The following ERC2 variants were observed in gnomAD, a reference collection of about 807,000 sequenced individuals.
ERC2 encodes ERC protein 2.
In ERC2, 42 loss-of-function variants were observed where a neutral mutation model predicts 114.8. That is an observed-to-expected ratio of 0.37 (90% CI 0.29 to 0.47). The LOEUF (loss-of-function observed/expected upper bound fraction) is 0.47, where lower values mean the gene tolerates loss of function less well. Ranked by LOEUF, ERC2 falls within the 20% of genes least tolerant of loss-of-function variation. ERC2 has a pLI of 0.99. For synonymous variants in ERC2, 454 were observed against 425.5 expected, an observed-to-expected ratio of 1.07 and a Z score of -0.82; for missense variants, 939 against 1,150.7, an observed-to-expected ratio of 0.82 and a Z score of 2.66.
At chr3:55,608,309 A>G (rs2058733070) in intron 17 of ERC2, among the ~76,000 whole-genome samples, 1 of 152,210 alleles carries the variant, frequency 6.6e-6, no homozygotes, top group Non-Finnish European at 1.5e-5. Context: ...ACCTATGACA[A>G]CACAAATTTG....
intron 15 of ERC2, among the ~76,000 whole-genome samples, chr3:55,704,689 C>G (rs2063391754): frequency 6.6e-6 from 1 of 152,192 alleles, no homozygotes; most frequent in Non-Finnish European, 1.5e-5. Flanking sequence ...AGTTGCAGCA[C>G]TCAGGTCACA....
chr3:56,360,279 C>G (rs536399885), intron 2 of ERC2, among the ~76,000 whole-genome samples: 1 of 152,022 alleles, frequency 6.6e-6, no homozygotes, highest in African/African-American at 2.4e-5. Context: ...TGTGATCCGC[C>G]TGCCTCAGCC....
At chr3:55,794,785 C>G (rs1344660786) in intron 14 of ERC2, among the ~76,000 whole-genome samples, 1 of 152,092 alleles carries the variant, frequency 6.6e-6, no homozygotes, top group Non-Finnish European at 1.5e-5. Flanking sequence ...AAAATTAACA[C>G]CATAATTTTG....
chr3:56,206,078 G>C (rs1423314608), intron 3 of ERC2, among the ~76,000 whole-genome samples: 1 of 152,082 alleles, frequency 6.6e-6, no homozygotes, highest in African/African-American at 2.4e-5. Context: ...CTTAGGCATG[G>C]TTAAGAATTT....
chr3:56,004,894 T>A (rs2072355973), intron 10 of ERC2, among the ~76,000 whole-genome samples: 1 of 152,064 alleles, frequency 6.6e-6, no homozygotes, highest in African/African-American at 2.4e-5. Flanking sequence ...TATTTTTCCA[T>A]GAGTAAATGA....
At chr3:56,378,571 TAA>T (rs11316031) in intron 2 of ERC2, among the ~76,000 whole-genome samples, 2,368 of 134,004 alleles carry the variant, frequency 0.018, 38 homozygotes, top group African/African-American at 0.05. Flanking sequence ...TAAAGTATAA[TAA>T]AAAAAAAAAA....
At chr3:56,026,866 T>C (rs1439896749) in intron 7 of ERC2, among the ~76,000 whole-genome samples, 2 of 152,190 alleles carry the variant, frequency 1.3e-5, no homozygotes, top group Non-Finnish European at 2.9e-5. Context: ...TTGTACCACA[T>C]GTGTAGATTT....
chr3:55,633,959 C>T (rs747956111), intron 17 of ERC2, among the ~76,000 whole-genome samples: 13 of 152,166 alleles, frequency 8.5e-5, no homozygotes, highest in African/African-American at 2.9e-4. Context: ...CCCACATGGC[C>T]TCTATAGAGA....
chr3:56,202,501 CT>C (rs11457828), intron 3 of ERC2, among the ~76,000 whole-genome samples: 105 of 140,978 alleles, frequency 7.4e-4, no homozygotes, highest in Admixed American at 1.1e-3. Flanking sequence ...TAAACTCAAG[CT>C]TTTTTTTTTT....
At chr3:56,122,220 G>A (rs895513508) in intron 6 of ERC2, among the ~76,000 whole-genome samples, 14 of 152,140 alleles carry the variant, frequency 9.2e-5, no homozygotes, top group Admixed American at 2.6e-4. Context: ...GACCTCTCAG[G>A]CACAACAAGT....
chr3:56,336,424 A>G (rs1454034010), intron 2 of ERC2, among the ~76,000 whole-genome samples: 1 of 152,162 alleles, frequency 6.6e-6, no homozygotes, highest in Non-Finnish European at 1.5e-5. Flanking sequence ...TTTTTAAACA[A>G]TGCCTATAGG....
chr3:55,771,342 A>C (rs939601652), intron 14 of ERC2, among the ~76,000 whole-genome samples: 1 of 152,230 alleles, frequency 6.6e-6, no homozygotes. Context: ...GATAAAATGG[A>C]GAATGACATT....
intron 14 of ERC2, among the ~76,000 whole-genome samples, chr3:55,770,699 A>G (rs914458177): frequency 1.3e-5 from 2 of 152,122 alleles, no homozygotes; most frequent in African/African-American, 4.8e-5. Flanking sequence ...ACACATGTGC[A>G]GGTTTGTTAC....
At chr3:55,547,313 G>C (rs1179198850) in intron 17 of ERC2, among the ~76,000 whole-genome samples, 1 of 152,268 alleles carries the variant, frequency 6.6e-6, no homozygotes, top group Admixed American at 6.5e-5. Context: ...CAGCCTCTGG[G>C]AGGCAGGGTA....
intron 7 of ERC2, among the ~76,000 whole-genome samples, chr3:56,045,466 C>T (rs540888235): frequency 1.3e-5 from 2 of 152,164 alleles, no homozygotes; most frequent in Non-Finnish European, 2.9e-5. Flanking sequence ...TTTGAATAGC[C>T]CTGATAAGCA....
intron 7 of ERC2, among the ~76,000 whole-genome samples, chr3:56,025,033 A>T (rs1438279270): frequency 6.6e-6 from 1 of 152,206 alleles, no homozygotes; most frequent in Non-Finnish European, 1.5e-5. Context: ...GGAACTGCAC[A>T]CTGATCAAGT....
At chr3:56,301,426 C>T (rs2055868049) in intron 2 of ERC2, among the ~76,000 whole-genome samples, 1 of 151,970 alleles carries the variant, frequency 6.6e-6, no homozygotes, top group African/African-American at 2.4e-5. Flanking sequence ...CTTGTAGATC[C>T]TTGATCATCC....
intron 9 of ERC2, among the ~76,000 whole-genome samples, chr3:56,007,664 T>G (rs565851260): frequency 7.2e-5 from 11 of 152,246 alleles, no homozygotes; most frequent in Middle Eastern, 6.8e-3. Context: ...TTACATTTAT[T>G]GCTGTCAGAC....
At chr3:56,326,165 G>C in intron 2 of ERC2, among the ~76,000 whole-genome samples, 1 of 152,216 alleles carries the variant, frequency 6.6e-6, no homozygotes, top group East Asian at 1.9e-4. Flanking sequence ...GCCAGGCAAT[G>C]GAGGAGGCAA....
Sources: gnomAD v4.1 joint callset for allele counts (sites outside exome capture counted in the v4.1 genomes callset) on GRCh38, gnomAD v4.1.1 for gene constraint, MANE v1.5 for transcripts, NCBI Gene and HGNC (gene_info 2026-07-23, HGNC 2026-07-21) for gene names.